Variants in GRIK2 observed in about 807,000 individuals in gnomAD.
GRIK2 encodes glutamate receptor ionotropic, kainate 2.
GRIK2 carries 32 observed loss-of-function variants against 100.3 expected under a neutral mutation model. The ratio of observed to expected loss-of-function variants is 0.32; its 90% CI spans 0.24 to 0.43. The LOEUF is 0.43. GRIK2 is among the 20% of genes least tolerant of loss of function. The probability of loss-of-function intolerance (pLI) is 1.00; values close to 1 mark genes in which losing one functional copy is unlikely to be tolerated. For missense variants in GRIK2, 843 were observed against 1,114.9 expected (o/e 0.76, Z 3.47); for synonymous variants, 417 against 389.4 (o/e 1.07, Z -0.83).
chr6:101,626,414 C>G lies in GRIK2; in HGVS notation c.318C>G (p.Ile106Met). Residue 106 changes from isoleucine (I) to methionine (M), a missense_variant, in exon 4 of 17, where the codon ATC becomes ATG. This residue lies in a region of GRIK2 where 519 missense variants were observed against 643.8 expected (regional missense o/e 0.81). Coordinates refer to ENST00000369134, the MANE Select transcript of GRIK2 (RefSeq NM_021956.5). ...AGCTGTCTCTTGGGGTGGCTGCCAT[C>G]TTCGGGCCTTCACACAGCTCATCAG... ...CDQLSLGVAAIFGPSHSSSAN... is the reference protein window; with the variant it reads ...CDQLSLGVAAMFGPSHSSSAN... 1 of 1,613,366 alleles carries G rather than the reference C, an allele frequency of 6.2e-7. No homozygotes were observed. The highest frequency in any genetic ancestry group is 8.5e-7 in the Non-Finnish European group (1 of 1,179,830).
intron 2 of GRIK2, among the ~76,000 whole-genome samples, chr6:101,581,176 A>G (rs1778067344): frequency 6.6e-6 from 1 of 150,966 alleles, no homozygotes; most frequent in African/African-American, 2.4e-5. Context: ...ACATATATAT[A>G]TATATACACA....
At chr6:101,670,751 T>C (rs535771808) in intron 4 of GRIK2, among the ~76,000 whole-genome samples, 1 of 152,308 alleles carries the variant, frequency 6.6e-6, no homozygotes, top group East Asian at 1.9e-4. Context: ...TAGTAGCTAG[T>C]ACATTTTTAA....
chr6:101,891,275 T>C (rs1050034859), intron 12 of GRIK2, among the ~76,000 whole-genome samples: 2 of 151,912 alleles, frequency 1.3e-5, no homozygotes, highest in African/African-American at 2.4e-5. Flanking sequence ...TCCCAGCACT[T>C]TGGGAGGCCA....
chr6:101,473,619 A>G (rs939190561), intron 2 of GRIK2, among the ~76,000 whole-genome samples: 10 of 151,808 alleles, frequency 6.6e-5, no homozygotes, highest in African/African-American at 2.2e-4. Context: ...TATTTTTCCC[A>G]CTTCTGAGAT....
intron 14 of GRIK2, among the ~76,000 whole-genome samples, chr6:101,988,158 C>T (rs1436076298): frequency 2.8e-5 from 3 of 105,842 alleles, no homozygotes; most frequent in Non-Finnish European, 6.3e-5. Context: ...CGCGCGCGTG[C>T]GCGCACATGC....
At chr6:101,571,300 A>G (rs948083432) in intron 2 of GRIK2, among the ~76,000 whole-genome samples, 4 of 152,132 alleles carry the variant, frequency 2.6e-5, no homozygotes, top group South Asian at 2.1e-4. Flanking sequence ...TCCTACTGCT[A>G]TCACAGAATA....
chr6:101,687,134 C>T (rs1455773141), intron 7 of GRIK2, among the ~76,000 whole-genome samples: 2 of 151,688 alleles, frequency 1.3e-5, no homozygotes, highest in African/African-American at 4.8e-5. Context: ...ATACTAAATC[C>T]TTGAAAGATG....
At position 102,055,546 on chromosome 6, in the gene GRIK2, T is replaced by C; in HGVS notation, c.2528T>C (p.Leu843Ser). ...LSVFVAVGEFLYKSKKNAQLE... is the reference protein window; with the variant it reads ...LSVFVAVGEFSYKSKKNAQLE... ...GTTTTTGTGGCAGTGGGAGAATTTT[T>C]ATACAAATCCAAAAAAAACGCTCAA... Residue 843 changes from leucine (L) to serine (S), a missense_variant, in exon 16 of 17, where the codon TTA becomes TCA. This residue lies in a region of GRIK2 where 87 missense variants were observed against 83.2 expected (regional missense o/e 1.05). Coordinates refer to ENST00000369134, the MANE Select transcript of GRIK2 (RefSeq NM_021956.5). The C allele has an allele frequency of 1.2e-6, 2 of 1,611,096 alleles. No individual in the cohort carries two copies. Among genetic ancestry groups the C allele is most frequent in the South Asian group, 1.1e-5 (1 of 90,992 alleles).
At chr6:101,866,732 C>T (rs992678451) in intron 11 of GRIK2, among the ~76,000 whole-genome samples, 1 of 152,010 alleles carries the variant, frequency 6.6e-6, no homozygotes, top group African/African-American at 2.4e-5. Flanking sequence ...TTCAGATACT[C>T]ATAACTAGCC....
chr6:101,484,962 G>A (rs1465678055), intron 2 of GRIK2, among the ~76,000 whole-genome samples: 1 of 152,140 alleles, frequency 6.6e-6, no homozygotes, highest in African/African-American at 2.4e-5. Flanking sequence ...GGTCTTGAAG[G>A]AATAAGGCTG....
At chr6:101,862,744 T>C (rs1784800893) in intron 11 of GRIK2, among the ~76,000 whole-genome samples, 1 of 152,026 alleles carries the variant, frequency 6.6e-6, no homozygotes, top group Non-Finnish European at 1.5e-5. Flanking sequence ...CTTGAAAAAA[T>C]AAATTTTGTG....
At chr6:101,865,500 T>G (rs1230372101) in intron 11 of GRIK2, among the ~76,000 whole-genome samples, 2 of 152,178 alleles carry the variant, frequency 1.3e-5, no homozygotes, top group Non-Finnish European at 2.9e-5. Context: ...TTATTCTAAA[T>G]GGGAATTGAC....
chr6:101,814,633 G>A (rs866569942), intron 9 of GRIK2, among the ~76,000 whole-genome samples: 8 of 152,068 alleles, frequency 5.3e-5, no homozygotes, highest in South Asian at 2.1e-4. Flanking sequence ...AAGTTATTTG[G>A]CAACATATAG....
intron 2 of GRIK2, among the ~76,000 whole-genome samples, chr6:101,492,899 G>A (rs1009915933): frequency 6.6e-6 from 1 of 151,744 alleles, no homozygotes; most frequent in African/African-American, 2.4e-5. Context: ...AATAAAAGAG[G>A]ATATTGGTGG....
intron 12 of GRIK2, among the ~76,000 whole-genome samples, chr6:101,905,837 A>G (rs937140925): frequency 6.6e-6 from 1 of 151,380 alleles, no homozygotes; most frequent in African/African-American, 2.4e-5. Context: ...CAGTCACTAT[A>G]CCTACTCTTT....
At chr6:101,619,939 A>T (rs1198514904) in intron 2 of GRIK2, among the ~76,000 whole-genome samples, 1 of 152,136 alleles carries the variant, frequency 6.6e-6, no homozygotes, top group Non-Finnish European at 1.5e-5. Flanking sequence ...CCTGTAAAAT[A>T]ATGCTATTTT....
intron 2 of GRIK2, among the ~76,000 whole-genome samples, chr6:101,411,336 T>C (rs1316766324): frequency 1.3e-5 from 2 of 152,102 alleles, no homozygotes; most frequent in Admixed American, 1.3e-4. Context: ...TAATCAGTGG[T>C]TCTCAAACTT....
chr6:101,673,974 T>C (rs905660398), intron 4 of GRIK2, among the ~76,000 whole-genome samples: 7 of 152,236 alleles, frequency 4.6e-5, no homozygotes, highest in South Asian at 2.1e-4. Context: ...TTATAAGTCA[T>C]ACACATTTGT....
intron 2 of GRIK2, among the ~76,000 whole-genome samples, chr6:101,499,639 C>G (rs1773646989): frequency 6.6e-6 from 1 of 151,932 alleles, no homozygotes; most frequent in South Asian, 2.1e-4. Context: ...TAACATTTAA[C>G]TTTTTTTCTG....
Sources: allele counts gnomAD v4.1 joint callset (sites outside exome capture counted in the v4.1 genomes callset), GRCh38; gene constraint gnomAD v4.1.1; regional missense constraint gnomAD v4.1.1; transcripts MANE v1.5; gene names NCBI Gene and HGNC (gene_info 2026-07-23, HGNC 2026-07-21).